The following ROBO1 variants were observed in gnomAD, a reference collection of about 807,000 sequenced individuals.
ROBO1 encodes the protein roundabout guidance receptor 1.
Under a neutral mutation model 195.9 loss-of-function variants are expected in ROBO1, and 149 were observed. The observed-to-expected ratio is 0.76, with a 90% CI of 0.67 to 0.87. The LOEUF (loss-of-function observed/expected upper bound fraction) is 0.87. ROBO1 is among the 40% of genes least tolerant of loss of function. The pLI is 0.00. For synonymous variants in ROBO1, 816 were observed against 733.2 expected, an observed-to-expected ratio of 1.11 and a Z score of -1.82; for missense variants, 1,933 against 2,068.3, an observed-to-expected ratio of 0.93 and a Z score of 1.27.
chr3:79,279,413 A>G (rs1027540878), intron 2 of ROBO1, among the ~76,000 whole-genome samples: 1 of 152,216 alleles, frequency 6.6e-6, no homozygotes, highest in East Asian at 1.9e-4. Context: ...CGAAATGCAA[A>G]TCAATAACCA....
At chr3:78,884,856 C>T (rs2036445641) in intron 4 of ROBO1, among the ~76,000 whole-genome samples, 1 of 128,456 alleles carries the variant, frequency 7.8e-6, no homozygotes, top group African/African-American at 3.2e-5. Context: ...CTCTCTCTCT[C>T]TCTCTCTTTC....
At chr3:79,212,821 G>A (rs2081988846) in intron 2 of ROBO1, among the ~76,000 whole-genome samples, 1 of 148,594 alleles carries the variant, frequency 6.7e-6, no homozygotes, top group East Asian at 2.0e-4. Context: ...CTCTGTCTCA[G>A]AAAAAATAAA....
At chr3:79,713,186 A>G (rs113633832) in intron 1 of ROBO1, among the ~76,000 whole-genome samples, 2 of 152,120 alleles carry the variant, frequency 1.3e-5, no homozygotes, top group African/African-American at 4.8e-5. Context: ...AAGAGTTTTA[A>G]TGGAAATGTA....
In ROBO1 at chr3:78,636,038, A is replaced by G; in HGVS notation, c.3108T>C (p.Thr1036=). The change falls in exon 23 of 31, where the codon ACT becomes ACC. Residue 1036 remains threonine (T), a synonymous_variant. Transcript: ENST00000464233. ...KQTNLMLPES[T]VYGDVDLSNK... is the part of the protein sequence containing the mutation. The stretch of plus-strand genomic sequence containing the variant: ...TACTAAGGTCCACATCACCATAAAC[A>G]GTTGACTCAGGGAGCATCAGATTTG... 1.2e-6 allele frequency: 2 copies of G among 1,613,850 alleles called. No individual in the cohort carries two copies. The highest frequency in any genetic ancestry group is 1.7e-5 in the Admixed American group (1 of 60,016).
rs11437717 is a variant in ROBO1, at chr3:79,408,235, T to TAA, written c.88+181587_88+181588dup. Among the ~76,000 whole-genome samples, 7 of 150,664 alleles carry TAA rather than the reference T, an allele frequency of 4.6e-5. No individual in the cohort carries two copies. The East Asian group carries it at 7.9e-4, about 17-fold the overall frequency. On this transcript the variant is annotated intron_variant, in intron 2 of 30. Coordinates refer to ENST00000464233, the MANE Select transcript of ROBO1 (RefSeq NM_002941.4). Reference sequence around the variant, plus strand: ...TTCCGTCTCAAAAAAATAAAAAAAATAAAAAAAATTAAAAAATTTGGGAGA... The same window carrying TAA: ...TTCCGTCTCAAAAAAATAAAAAAAATAAAAAAAAAATTAAAAAATTTGGGAGA...
At chr3:79,552,607 T>G (rs1428510486) in intron 2 of ROBO1, among the ~76,000 whole-genome samples, 1 of 152,156 alleles carries the variant, frequency 6.6e-6, no homozygotes, top group Admixed American at 6.6e-5. Context: ...TGGAAACACT[T>G]TAATGTTCAT....
intron 2 of ROBO1, among the ~76,000 whole-genome samples, chr3:79,209,103 C>A (rs1209842633): frequency 1.3e-5 from 2 of 152,018 alleles, no homozygotes; most frequent in Non-Finnish European, 2.9e-5. Context: ...TTTTGGTGCA[C>A]CTGTCACCCA....
At chr3:78,863,709 T>C (rs2034991459) in intron 4 of ROBO1, among the ~76,000 whole-genome samples, 1 of 152,210 alleles carries the variant, frequency 6.6e-6, no homozygotes, top group Non-Finnish European at 1.5e-5. Context: ...CTGCTTTTAG[T>C]TAGAAGGCTA....
chr3:78,788,471 T>C (rs2083919705), intron 4 of ROBO1, among the ~76,000 whole-genome samples: 1 of 143,836 alleles, frequency 7.0e-6, no homozygotes, highest in Non-Finnish European at 1.5e-5. Context: ...AAGATTCCAC[T>C]TAGGACCTAG....
chr3:78,738,886 T>A (rs1485070420), intron 5 of ROBO1, among the ~76,000 whole-genome samples: 1 of 152,202 alleles, frequency 6.6e-6, no homozygotes, highest in East Asian at 1.9e-4. Flanking sequence ...ACTGATTGGA[T>A]AACAGCTTTG....
chr3:79,152,719 C>G (rs1246645948), intron 2 of ROBO1, among the ~76,000 whole-genome samples: 1 of 151,606 alleles, frequency 6.6e-6, no homozygotes, highest in African/African-American at 2.4e-5. Context: ...AACAGAAAAA[C>G]AGAATAATTG....
chr3:78,927,322 C>T (rs1245871497), intron 4 of ROBO1, among the ~76,000 whole-genome samples: 1 of 152,176 alleles, frequency 6.6e-6, no homozygotes, highest in East Asian at 1.9e-4. Flanking sequence ...CGAAGACAAC[C>T]ACACATCCAA....
intron 2 of ROBO1, among the ~76,000 whole-genome samples, chr3:79,463,524 T>C (rs376936545): frequency 6.6e-6 from 1 of 152,170 alleles, no homozygotes; most frequent in East Asian, 1.9e-4. Flanking sequence ...AGGAAGGAAG[T>C]TGTTTTTAAA....
At chr3:79,562,428 C>G (rs902682024) in intron 2 of ROBO1, among the ~76,000 whole-genome samples, 3 of 151,970 alleles carry the variant, frequency 2.0e-5, no homozygotes, top group African/African-American at 7.2e-5. Context: ...TGAAAAAATG[C>G]TCATCATCAC....
chr3:79,093,678 A>G (rs2079518006), intron 3 of ROBO1, among the ~76,000 whole-genome samples: 2 of 152,066 alleles, frequency 1.3e-5, no homozygotes, highest in South Asian at 4.1e-4. Context: ...TTAAGACAGT[A>G]TCACTTTAAT....
intron 3 of ROBO1, among the ~76,000 whole-genome samples, chr3:78,954,830 A>C (rs549542999): frequency 1.6e-4 from 24 of 152,124 alleles, no homozygotes; most frequent in Non-Finnish European, 3.2e-4. Context: ...TGGCAACTTA[A>C]AAGTACTCTT....
chr3:79,195,896 A>G (rs2081624075), intron 2 of ROBO1, among the ~76,000 whole-genome samples: 1 of 151,430 alleles, frequency 6.6e-6, no homozygotes, highest in African/African-American at 2.4e-5. Context: ...TGAGCTCCAA[A>G]TGTCAGGAAA....
At chr3:79,049,095 T>C (rs1423208187) in intron 3 of ROBO1, among the ~76,000 whole-genome samples, 1 of 152,084 alleles carries the variant, frequency 6.6e-6, no homozygotes, top group Non-Finnish European at 1.5e-5. Flanking sequence ...AATAACAAAC[T>C]TCTCTGAGCT....
At chr3:79,053,250 A>G (rs1027233369) in intron 3 of ROBO1, among the ~76,000 whole-genome samples, 2 of 151,708 alleles carry the variant, frequency 1.3e-5, no homozygotes, top group African/African-American at 4.8e-5. Context: ...TTCCTCTCCC[A>G]CACGGCCTTT....
Sources: allele counts gnomAD v4.1 joint callset (sites outside exome capture counted in the v4.1 genomes callset), GRCh38; gene constraint gnomAD v4.1.1; transcripts MANE v1.5; gene names NCBI Gene and HGNC (gene_info 2026-07-23, HGNC 2026-07-21).